The following GPC5 variants were observed in gnomAD, a reference collection of about 807,000 sequenced individuals.
The protein encoded by GPC5 is glypican-5.
Under a neutral mutation model 53.9 loss-of-function variants are expected in GPC5, and 47 were observed. The ratio of observed to expected loss-of-function variants is 0.87; its 90% confidence interval spans 0.69 to 1.11. GPC5 has a LOEUF of 1.11. GPC5 is among the 50% of genes most tolerant of loss of function. The pLI, the probability that GPC5 is intolerant of heterozygous loss-of-function variation, is 0.00. For synonymous variants in GPC5, 286 were observed against 263.3 expected (o/e 1.09, Z -0.84); for missense variants, 748 against 713.1 (o/e 1.05, Z -0.56).
At chr13:91,895,624 TTCTC>T (rs2039433035) in intron 5 of GPC5, among the ~76,000 whole-genome samples, 1 of 151,990 alleles carries the variant, frequency 6.6e-6, no homozygotes, top group Non-Finnish European at 1.5e-5. Context: ...TTTTATCTTT[TTCTC>T]TCTTTCTTTC....
chr13:92,770,240 C>CCTAT (rs1430754691), intron 7 of GPC5, among the ~76,000 whole-genome samples: 2 of 151,928 alleles, frequency 1.3e-5, no homozygotes, highest in Non-Finnish European at 2.9e-5. Context: ...ATAGGCAGTC[C>CCTAT]CTATCTCTAA....
intron 7 of GPC5, among the ~76,000 whole-genome samples, chr13:92,591,436 G>A (rs1411933218): frequency 6.6e-6 from 1 of 152,100 alleles, no homozygotes; most frequent in African/African-American, 2.4e-5. Flanking sequence ...TACAGTCTCT[G>A]CCTGGTGAAG....
chr13:91,688,417 A>G (rs1196801771), intron 2 of GPC5, among the ~76,000 whole-genome samples: 1 of 152,162 alleles, frequency 6.6e-6, no homozygotes, highest in Non-Finnish European at 1.5e-5. Flanking sequence ...ACAGATATAT[A>G]AAAATATGTA....
intron 2 of GPC5, among the ~76,000 whole-genome samples, chr13:91,646,722 T>C (rs965955997): frequency 4.6e-5 from 7 of 152,108 alleles, no homozygotes; most frequent in African/African-American, 1.4e-4. Context: ...TGGTATAGCA[T>C]ATAAAAAGTC....
intron 6 of GPC5, among the ~76,000 whole-genome samples, chr13:92,075,120 G>T (rs2041242560): frequency 6.6e-6 from 1 of 151,956 alleles, no homozygotes; most frequent in East Asian, 1.9e-4. Flanking sequence ...TTTACCCAAT[G>T]CCAAAAAGAA....
intron 7 of GPC5, among the ~76,000 whole-genome samples, chr13:92,558,817 A>G (rs1381024376): frequency 6.6e-6 from 1 of 151,928 alleles, no homozygotes; most frequent in African/African-American, 2.4e-5. Flanking sequence ...ATAAATATTG[A>G]TATCTTCTCA....
rs139975848 is a variant in GPC5, at chr13:91,857,931, G to C, written c.1281-50006G>C. Among the ~76,000 whole-genome samples the C allele has an allele frequency of 6.3e-3, 953 of 151,120 alleles. 6 individuals are homozygous for C. The highest frequency in any genetic ancestry group is 8.8e-3 in the Non-Finnish European group (595 of 67,472). ...TAATTCAAATTGTTGGTTAATTTGG[G>C]GATGTTAAAATAACTTTTTATTACC... On this transcript the variant is annotated intron_variant, in intron 5 of 7. Transcript: ENST00000377067.
intron 6 of GPC5, among the ~76,000 whole-genome samples, chr13:91,941,481 G>A (rs2039926659): frequency 6.6e-6 from 1 of 151,854 alleles, no homozygotes; most frequent in Admixed American, 6.6e-5. Context: ...ATGTTCCTGG[G>A]GATTAGTTCC....
intron 6 of GPC5, among the ~76,000 whole-genome samples, chr13:92,121,276 G>A (rs1489898786): frequency 1.3e-5 from 2 of 152,170 alleles, no homozygotes; most frequent in Non-Finnish European, 2.9e-5. Context: ...AGGGTGGGGA[G>A]TCACATTTGT....
At chr13:92,026,273 T>G (rs2040800212) in intron 6 of GPC5, among the ~76,000 whole-genome samples, 2 of 152,076 alleles carry the variant, frequency 1.3e-5, no homozygotes, top group Middle Eastern at 3.4e-3. Flanking sequence ...TACATAAATA[T>G]TTCTATATTT....
intron 7 of GPC5, among the ~76,000 whole-genome samples, chr13:92,220,697 T>C (rs2042442500): frequency 6.6e-6 from 1 of 152,242 alleles, no homozygotes; most frequent in South Asian, 2.1e-4. Context: ...ATATTAATTT[T>C]GAAGGAAGTT....
chr13:92,739,102 T>C (rs780123656), intron 7 of GPC5, among the ~76,000 whole-genome samples: 5 of 152,084 alleles, frequency 3.3e-5, no homozygotes, highest in Non-Finnish European at 5.9e-5. Context: ...AAAATGGGAA[T>C]TGGCAGTTCT....
chr13:92,020,216 A>G (rs758777188), intron 6 of GPC5, among the ~76,000 whole-genome samples: 5 of 152,008 alleles, frequency 3.3e-5, no homozygotes, highest in Non-Finnish European at 5.9e-5. Flanking sequence ...CAGCTGTAAA[A>G]TCCTATTTAA....
chr13:92,840,098 T>TATAC (rs1197470210), intron 7 of GPC5, among the ~76,000 whole-genome samples: 7 of 77,866 alleles, frequency 9.0e-5, no homozygotes, highest in African/African-American at 2.5e-4. Context: ...TATATATATA[T>TATAC]ATATATATAT....
At chr13:92,337,430 G>A (rs1175933062) in intron 7 of GPC5, among the ~76,000 whole-genome samples, 1 of 152,104 alleles carries the variant, frequency 6.6e-6, no homozygotes, top group Non-Finnish European at 1.5e-5. Flanking sequence ...TATATTGTCA[G>A]GATGATTCTA....
chr13:92,008,308 C>T (rs1190908877), intron 6 of GPC5, among the ~76,000 whole-genome samples: 2 of 152,006 alleles, frequency 1.3e-5, no homozygotes, highest in Non-Finnish European at 2.9e-5. Flanking sequence ...GTGATCCGCC[C>T]GCCTCGGCCT....
chr13:91,787,524 G>T (rs1739014520), intron 5 of GPC5, among the ~76,000 whole-genome samples: 1 of 152,116 alleles, frequency 6.6e-6, no homozygotes, highest in Non-Finnish European at 1.5e-5. Flanking sequence ...ACTTGATTTT[G>T]ATATCAACAT....
intron 3 of GPC5, among the ~76,000 whole-genome samples, chr13:91,722,259 A>G (rs2036489859): frequency 6.6e-6 from 1 of 152,198 alleles, no homozygotes; most frequent in Admixed American, 6.5e-5. Context: ...AAATTAGTCT[A>G]CAATTATGGG....
At chr13:91,528,496 T>C (rs1190329828) in intron 2 of GPC5, among the ~76,000 whole-genome samples, 1 of 152,216 alleles carries the variant, frequency 6.6e-6, no homozygotes, top group Non-Finnish European at 1.5e-5. Context: ...ATCAGCATAT[T>C]GGTCAAAACG....
Sources: gnomAD v4.1 joint callset for allele counts (sites outside exome capture counted in the v4.1 genomes callset) on GRCh38, gnomAD v4.1.1 for gene constraint, MANE v1.5 for transcripts, NCBI Gene and HGNC (gene_info 2026-07-23, HGNC 2026-07-21) for gene names.